Variants in NPAS3 observed in about 807,000 individuals in gnomAD.
The protein encoded by NPAS3 is neuronal PAS domain-containing protein 3.
NPAS3 carries 14 observed loss-of-function variants against 73.1 expected under a neutral mutation model. That is an observed-to-expected ratio of 0.19 (90% CI 0.13 to 0.30). NPAS3 has a LOEUF of 0.30. NPAS3 is among the 10% of genes least tolerant of loss of function. The pLI is 1.00. For missense variants in NPAS3, 1,096 were observed against 1,250.0 expected (o/e 0.88, Z 1.86); for synonymous variants, 620 against 541.5 (o/e 1.14, Z -2.01).
intron 3 of NPAS3, among the ~76,000 whole-genome samples, chr14:33,278,564 C>A (rs1218338097): frequency 2.6e-5 from 4 of 151,160 alleles, no homozygotes; most frequent in Admixed American, 6.6e-5. Context: ...ATGAAAGATA[C>A]AACAAATATA....
In NPAS3 at chr14:33,029,566, A is replaced by T. The variant is rs564211424; in HGVS notation, c.51-26339A>T. On this transcript the variant is annotated intron_variant, in intron 1 of 11. Coordinates refer to ENST00000356141, the Ensembl canonical transcript of NPAS3. ...TGATGTATTATTCATTATTTATCAC[A>T]CTCTATAAAATATGAGTTGGAATGT... is the stretch of plus-strand genomic sequence containing the variant. 7.2e-5 allele frequency among the ~76,000 whole-genome samples: 11 copies of T among 152,144 alleles called. No individual in the cohort carries two copies. The East Asian group carries it at 1.9e-3, about 27-fold the overall frequency.
At chr14:33,037,585 G>C (rs1217285591) in intron 1 of NPAS3, among the ~76,000 whole-genome samples, 3 of 152,146 alleles carry the variant, frequency 2.0e-5, no homozygotes, top group Non-Finnish European at 4.4e-5. Flanking sequence ...AAGATTGCTT[G>C]AGCCCAGGAG....
At chr14:33,308,581 CTATA>C (rs1253779823) in intron 3 of NPAS3, among the ~76,000 whole-genome samples, 2 of 39,868 alleles carry the variant, frequency 5.0e-5, no homozygotes, top group East Asian at 3.3e-4. Flanking sequence ...ATATGTATAT[CTATA>C]TATATGATCT....
At chr14:33,114,490 T>C (rs1010785615) in intron 2 of NPAS3, among the ~76,000 whole-genome samples, 1 of 152,132 alleles carries the variant, frequency 6.6e-6, no homozygotes, top group Non-Finnish European at 1.5e-5. Context: ...TGTTGTAAGG[T>C]TACTGCCTTA....
chr14:33,430,574 T>A, intron 4 of NPAS3, among the ~76,000 whole-genome samples: 2 of 152,220 alleles, frequency 1.3e-5, no homozygotes, highest in Admixed American at 1.3e-4. Context: ...ACAAGACAAC[T>A]GTTCCTCACC....
intron 8 of NPAS3, 46 bp from the exon 9 acceptor site, chr14:33,778,420 A>G (rs758637169): frequency 2.3e-5 from 31 of 1,320,486 alleles, no homozygotes; most frequent in South Asian, 3.5e-5. Context: ...CAGTTTCTTT[A>G]TATTTCCTCC....
chr14:33,736,012 G>C (rs1273555799), intron 7 of NPAS3, among the ~76,000 whole-genome samples: 1 of 152,136 alleles, frequency 6.6e-6, no homozygotes, highest in Non-Finnish European at 1.5e-5. Flanking sequence ...CGTAAATTAA[G>C]ACCTATGAAA....
rs1566538752 is a variant in NPAS3 at position 33,784,753 on chromosome 14, T to TTA, written c.1153+6182_1153+6183insAT. ...TATTTATTTATTTATTTATTTTTTT[T>TTA]TTTTTTTTTTTTTTGAGACAGAGTT... On this transcript the variant is annotated intron_variant, in intron 9 of 11. Transcript: ENST00000356141. 1.1e-3 allele frequency among the ~76,000 whole-genome samples: 80 copies of TTA among 70,518 alleles called. 1 individual carries two copies. Among genetic ancestry groups the TTA allele is most frequent in the African/African-American group, 3.4e-3 (74 of 22,020 alleles). The allele number at this position is 70,518 out of a possible 152,430, so 46.3% of individuals were successfully genotyped here. A position where few individuals can be genotyped will look rare whatever the true frequency, so the allele number is the denominator to read the frequency against.
At chr14:33,402,241 A>G (rs1338632787) in intron 4 of NPAS3, among the ~76,000 whole-genome samples, 1 of 152,060 alleles carries the variant, frequency 6.6e-6, no homozygotes, top group Non-Finnish European at 1.5e-5. Flanking sequence ...TTTGTGCCCC[A>G]AGCTCTTCAG....
intron 6 of NPAS3, among the ~76,000 whole-genome samples, chr14:33,712,401 G>T (rs1419274778): frequency 6.6e-6 from 1 of 152,202 alleles, no homozygotes; most frequent in East Asian, 1.9e-4. Flanking sequence ...AAGCAAATAA[G>T]ATGCAAACAG....
chr14:33,142,717 T>G (rs2044098567), intron 2 of NPAS3, among the ~76,000 whole-genome samples: 1 of 152,258 alleles, frequency 6.6e-6, no homozygotes, highest in African/African-American at 2.4e-5. Context: ...TTCTGAAGTA[T>G]TCTATCTTTC....
intron 2 of NPAS3, among the ~76,000 whole-genome samples, chr14:33,095,022 A>T (rs1314618461): frequency 6.6e-6 from 1 of 152,200 alleles, no homozygotes; most frequent in Non-Finnish European, 1.5e-5. Context: ...TAGAATTACC[A>T]TTTTTATTTC....
At chr14:33,668,276 A>G (rs576885639) in intron 5 of NPAS3, among the ~76,000 whole-genome samples, 6 of 152,330 alleles carry the variant, frequency 3.9e-5, no homozygotes, top group South Asian at 4.1e-4. Context: ...ATCTTCCACC[A>G]TACAGTAGCC....
At chr14:32,998,005 A>G (rs923535977) in intron 1 of NPAS3, among the ~76,000 whole-genome samples, 11 of 152,206 alleles carry the variant, frequency 7.2e-5, no homozygotes, top group Non-Finnish European at 1.5e-4. Context: ...TTACCTTCGT[A>G]CCCAGAAATT....
At chr14:33,449,078 C>T (rs1049555324) in intron 4 of NPAS3, among the ~76,000 whole-genome samples, 1 of 152,164 alleles carries the variant, frequency 6.6e-6, no homozygotes, top group Non-Finnish European at 1.5e-5. Context: ...ACACCCCAAC[C>T]GCATAGGCCT....
chr14:33,198,648 C>G (rs2046478327), intron 2 of NPAS3, among the ~76,000 whole-genome samples: 2 of 152,216 alleles, frequency 1.3e-5, no homozygotes, highest in East Asian at 3.9e-4. Context: ...CTCCAAGTCC[C>G]CACAGACTCA....
rs78501137 is a variant in NPAS3, at chr14:33,795,988, G to A, written c.1302-1469G>A. Among the ~76,000 whole-genome samples, 1,284 of 152,270 alleles carry A rather than the reference G, an allele frequency of 8.4e-3. 11 individuals are homozygous for A. Among genetic ancestry groups the A allele is most frequent in the African/African-American group, 0.029 (1,221 of 41,548 alleles). On this transcript the variant is annotated intron_variant, in intron 10 of 11. Coordinates refer to ENST00000356141, the Ensembl canonical transcript of NPAS3. ...TAAAGGACTGTAAATTGTAGGGCAAGTGATCTGTGAGCCCCCAAAGAAGAC... is the reference window on the plus strand; with the variant it reads ...TAAAGGACTGTAAATTGTAGGGCAAATGATCTGTGAGCCCCCAAAGAAGAC...
intron 3 of NPAS3, among the ~76,000 whole-genome samples, chr14:33,311,878 C>T (rs2043017601): frequency 6.6e-6 from 1 of 151,854 alleles, no homozygotes; most frequent in African/African-American, 2.4e-5. Flanking sequence ...GGGAGTTCAT[C>T]AGAAAGAGAG....
chr14:33,197,237 C>CTGTGTGTGTGTGTG (rs11268151), intron 2 of NPAS3, among the ~76,000 whole-genome samples: 16,797 of 135,054 alleles, frequency 0.12, 1,114 homozygotes, highest in Middle Eastern at 0.15. Context: ...CTCCAGCAGG[C>CTGTGTGTGTGTGTG]TGTGTGTGTG....
Sources: allele counts gnomAD v4.1 joint callset (sites outside exome capture counted in the v4.1 genomes callset), GRCh38; gene constraint gnomAD v4.1.1; transcripts MANE v1.5; gene names NCBI Gene and HGNC (gene_info 2026-07-23, HGNC 2026-07-21).